MTMR8: variants seen among roughly 807,000 people sequenced by gnomAD.
MTMR8 encodes phosphatidylinositol-3,5-bisphosphate 3-phosphatase MTMR8.
In MTMR8, 65 loss-of-function variants were observed where a neutral mutation model predicts 39.3. That is an observed-to-expected ratio of 1.65 (90% confidence interval 1.35 to 2.03). The LOEUF (loss-of-function observed/expected upper bound fraction) is 2.03. Ranked by LOEUF, MTMR8 falls within the 30% of genes most tolerant of loss-of-function variation. The pLI is 0.00. For synonymous variants in MTMR8, 245 were observed against 185.2 expected, an observed-to-expected ratio of 1.32 and a Z score of -2.62; for missense variants, 777 against 538.9, an observed-to-expected ratio of 1.44 and a Z score of -4.37.
At chrX:64,379,797 T>C (rs1433863556) in intron 1 of MTMR8, among the ~76,000 whole-genome samples, 2 of 111,714 alleles carry the variant, frequency 1.8e-5, no homozygotes, top group Non-Finnish European at 3.8e-5. Context: ...AATTAGTAAA[T>C]TGAATCCAAC....
intron 12 of MTMR8, among the ~76,000 whole-genome samples, chrX:64,318,919 G>A (rs994016057): frequency 5.4e-5 from 6 of 110,865 alleles, no homozygotes; most frequent in Non-Finnish European, 1.1e-4. Context: ...AACCTCAGGT[G>A]ATCCACCCGC....
At chrX:64,381,394 CT>C (rs1310936244) in intron 1 of MTMR8, among the ~76,000 whole-genome samples, 1 of 108,419 alleles carries the variant, frequency 9.2e-6, no homozygotes, top group Non-Finnish European at 1.9e-5. Flanking sequence ...GCATAAATGT[CT>C]TTTTTTGAGA....
In MTMR8 at chrX:64,331,577, C is replaced by A; in HGVS notation, c.1332G>T (p.Gln444His). Residue 444 changes from glutamine to histidine, a missense_variant, in exon 11 of 14, where the codon CAG (glutamine) becomes CAT (histidine). By Grantham distance (24) the Gln-to-His change is conservative (BLOSUM62 0). Transcript: ENST00000374852. ...TTCACCTTAGATCTTCCCGATCCTT[C>A]TGGCAGTTACCAAGGAAGTTTCCAA... is the stretch of plus-strand genomic sequence containing the variant. Reference protein sequence around the residue: ...CQFGNFLGNCQKDREDLRVYE... With the variant: ...CQFGNFLGNCHKDREDLRVYE... The A allele has an allele frequency of 8.3e-7, 1 of 1,210,287 alleles. No homozygotes were observed. Among genetic ancestry groups the A allele is most frequent in the Non-Finnish European group, 1.1e-6 (1 of 894,633 alleles).
chrX:64,301,268 G>C (rs1244036530), intron 12 of MTMR8, among the ~76,000 whole-genome samples: 1 of 106,938 alleles, frequency 9.4e-6, no homozygotes, highest in African/African-American at 3.4e-5. Context: ...TGGAGGCTTT[G>C]CTCATTTCTT....
intron 1 of MTMR8, among the ~76,000 whole-genome samples, chrX:64,364,367 C>T (rs1923884920): frequency 9.0e-6 from 1 of 111,575 alleles, no homozygotes; most frequent in Non-Finnish European, 1.9e-5. Flanking sequence ...CAGGCGGGTG[C>T]CCCTCTGGAA....
chrX:64,297,765 G>A (rs1221566535), intron 12 of MTMR8, among the ~76,000 whole-genome samples: 2 of 110,813 alleles, frequency 1.8e-5, no homozygotes, highest in African/African-American at 6.6e-5. Flanking sequence ...TGTATAAGGT[G>A]TAAGGAAAGG....
chrX:64,381,279 T>C (rs1261641062), intron 1 of MTMR8, among the ~76,000 whole-genome samples: 1 of 111,793 alleles, frequency 8.9e-6, no homozygotes, highest in African/African-American at 3.3e-5. Flanking sequence ...TTTTTAATGA[T>C]CACCATTCTA....
At chrX:64,318,714 T>G (rs988775227) in intron 12 of MTMR8, among the ~76,000 whole-genome samples, 8 of 105,085 alleles carry the variant, frequency 7.6e-5, no homozygotes, top group South Asian at 4.4e-4. Context: ...TTTTGTTTTT[T>G]TTTTTTTTTT....
intron 12 of MTMR8, among the ~76,000 whole-genome samples, chrX:64,281,205 A>G (rs1290551721): frequency 8.9e-6 from 1 of 111,831 alleles, no homozygotes; most frequent in Non-Finnish European, 1.9e-5. Flanking sequence ...CTACTTAAAA[A>G]TTAATATGAA....
At chrX:64,365,331 A>T (rs961503656) in intron 1 of MTMR8, among the ~76,000 whole-genome samples, 1 of 110,404 alleles carries the variant, frequency 9.1e-6, no homozygotes, top group Non-Finnish European at 1.9e-5. Context: ...GCTCTACATG[A>T]AGGAAAAAAT....
intron 12 of MTMR8, among the ~76,000 whole-genome samples, chrX:64,310,642 C>T (rs1031701636): frequency 1.8e-5 from 2 of 110,766 alleles, no homozygotes; most frequent in African/African-American, 3.3e-5. Flanking sequence ...TAATGCTATC[C>T]GTCCCCTAGC....
At chrX:64,321,078 C>G (rs186666163) in intron 12 of MTMR8, among the ~76,000 whole-genome samples, 1 of 111,470 alleles carries the variant, frequency 9.0e-6, no homozygotes, top group Non-Finnish European at 1.9e-5. Context: ...AACAAAAAAT[C>G]CTAGAGAGAG....
intron 8 of MTMR8, among the ~76,000 whole-genome samples, chrX:64,342,989 C>T (rs1317262591): frequency 1.8e-5 from 2 of 111,123 alleles, no homozygotes; most frequent in African/African-American, 6.6e-5. Context: ...GCCTAGGGTC[C>T]TAGAGATCAG....
At chrX:64,302,108 C>G (rs774173176) in intron 12 of MTMR8, among the ~76,000 whole-genome samples, 2 of 113,004 alleles carry the variant, frequency 1.8e-5, no homozygotes, top group Non-Finnish European at 3.7e-5. Flanking sequence ...TTCGAGCTTT[C>G]TGGCTGCTTT....
intron 12 of MTMR8, among the ~76,000 whole-genome samples, chrX:64,324,870 C>T (rs56313321): frequency 1.9e-5 from 1 of 52,010 alleles, no homozygotes; most frequent in Non-Finnish European, 3.5e-5. Context: ...ATCAATGAAA[C>T]AAAGAGTTGT....
intron 12 of MTMR8, among the ~76,000 whole-genome samples, chrX:64,325,790 C>G (rs747735563): frequency 1.8e-5 from 2 of 111,443 alleles, no homozygotes; most frequent in Non-Finnish European, 3.8e-5. Context: ...CTAGCCACAG[C>G]AATTAGGCAA....
intron 12 of MTMR8, among the ~76,000 whole-genome samples, chrX:64,314,511 G>T (rs1411775063): frequency 1.8e-5 from 2 of 112,912 alleles, no homozygotes; most frequent in East Asian, 5.6e-4. Context: ...GGCAGGGGAG[G>T]GTCTGCTAGT....
chrX:64,309,004 T>A (rs1305350330), intron 12 of MTMR8, among the ~76,000 whole-genome samples: 1 of 112,195 alleles, frequency 8.9e-6, no homozygotes, highest in African/African-American at 3.2e-5. Context: ...CCTGTCTTAA[T>A]TATTGTAGCT....
At chrX:64,353,274 G>A in intron 4 of MTMR8, among the ~76,000 whole-genome samples, 1 of 111,624 alleles carries the variant, frequency 9.0e-6, no homozygotes, top group Non-Finnish European at 1.9e-5. Flanking sequence ...AAATCTCCAT[G>A]GCAAAGGAAA....
Sources: allele counts gnomAD v4.1 joint callset (sites outside exome capture counted in the v4.1 genomes callset), GRCh38; gene constraint gnomAD v4.1.1; transcripts MANE v1.5; gene names NCBI Gene and HGNC (gene_info 2026-07-23, HGNC 2026-07-21).